The following ARHGAP6 variants were observed in gnomAD, a reference collection of about 807,000 sequenced individuals.
The protein encoded by ARHGAP6 is Rho GTPase activating protein 6.
ARHGAP6 carries 16 observed loss-of-function variants against 55.7 expected under a neutral mutation model. That is an observed-to-expected ratio of 0.29 (90% CI 0.19 to 0.44). The LOEUF is 0.44. Ranked by LOEUF, ARHGAP6 falls within the 20% of genes least tolerant of loss-of-function variation. The probability of loss-of-function intolerance (pLI) is 1.00; values close to 1 mark genes in which losing one functional copy is unlikely to be tolerated. For synonymous variants in ARHGAP6, 382 were observed against 360.9 expected, an observed-to-expected ratio of 1.06 and a Z score of -0.66; for missense variants, 698 against 808.9, an observed-to-expected ratio of 0.86 and a Z score of 1.66.
At chrX:11,321,166 T>C (rs1386949237) in intron 1 of ARHGAP6, among the ~76,000 whole-genome samples, 2 of 112,304 alleles carry the variant, frequency 1.8e-5, no homozygotes, top group Non-Finnish European at 3.8e-5. Context: ...AAGCGGTGTT[T>C]TTAATGTTAA....
chrX:11,445,952 A>G (rs901805725), intron 1 of ARHGAP6, among the ~76,000 whole-genome samples: 1 of 111,436 alleles, frequency 9.0e-6, no homozygotes, highest in African/African-American at 3.3e-5. Flanking sequence ...GTTCAGAAGA[A>G]AGACCCAGTC....
intron 1 of ARHGAP6, among the ~76,000 whole-genome samples, chrX:11,551,877 A>G (rs141883128): frequency 0.093 from 10,394 of 111,464 alleles, 518 homozygotes; most frequent in East Asian, 0.18. Flanking sequence ...GAAGGAACCA[A>G]CCTTGCTGAC....
chrX:11,159,204 T>A (rs1228083775), intron 9 of ARHGAP6, among the ~76,000 whole-genome samples: 9 of 111,258 alleles, frequency 8.1e-5, no homozygotes, highest in Non-Finnish European at 1.7e-4. Context: ...CCAGGTGTCA[T>A]GGAGTCTTAT....
chrX:11,437,970 G>A (rs1401618343), intron 1 of ARHGAP6, among the ~76,000 whole-genome samples: 1 of 112,659 alleles, frequency 8.9e-6, no homozygotes, highest in Admixed American at 9.4e-5. Flanking sequence ...TAAAGGCTAT[G>A]TATGACCTTG....
intron 1 of ARHGAP6, among the ~76,000 whole-genome samples, chrX:11,419,927 G>A (rs1440808910): frequency 1.8e-5 from 2 of 112,325 alleles, no homozygotes; most frequent in Non-Finnish European, 3.8e-5. Flanking sequence ...TAATTTAGCT[G>A]ACATCCCAAA....
chrX:11,383,205 G>C (rs2049283340), intron 1 of ARHGAP6, among the ~76,000 whole-genome samples: 1 of 111,334 alleles, frequency 9.0e-6, no homozygotes, highest in African/African-American at 3.3e-5. Context: ...CCAGGAGTGG[G>C]AGTTCCACAA....
intron 1 of ARHGAP6, among the ~76,000 whole-genome samples, chrX:11,319,415 C>T (rs1033044748): frequency 9.0e-6 from 1 of 111,641 alleles, no homozygotes; most frequent in African/African-American, 3.3e-5. Flanking sequence ...TTCAGTAGGT[C>T]TTCAACAGGG....
chrX:11,517,333 C>A (rs2050852389), intron 1 of ARHGAP6, among the ~76,000 whole-genome samples: 1 of 111,653 alleles, frequency 9.0e-6, no homozygotes, highest in African/African-American at 3.3e-5. Context: ...CATCAGGGGG[C>A]AGCGTATTAC....
intron 2 of ARHGAP6, among the ~76,000 whole-genome samples, chrX:11,235,459 C>G (rs1412117859): frequency 9.0e-6 from 1 of 110,995 alleles, no homozygotes; most frequent in Non-Finnish European, 1.9e-5. Context: ...CTCTGACATG[C>G]CCTGGAGACA....
At chrX:11,308,585 C>A (rs1398196412) in intron 1 of ARHGAP6, among the ~76,000 whole-genome samples, 2 of 111,014 alleles carry the variant, frequency 1.8e-5, no homozygotes, top group African/African-American at 6.6e-5. Context: ...TGCCCTTGTC[C>A]CCAGTCGTCA....
At chrX:11,262,876 A>G (rs2047579172) in intron 1 of ARHGAP6, among the ~76,000 whole-genome samples, 1 of 111,560 alleles carries the variant, frequency 9.0e-6, no homozygotes, top group Non-Finnish European at 1.9e-5. Flanking sequence ...AAGATGGAGA[A>G]AAGAACAAGA....
intron 1 of ARHGAP6, among the ~76,000 whole-genome samples, chrX:11,448,391 A>C (rs1215005598): frequency 2.7e-5 from 3 of 111,849 alleles, no homozygotes; most frequent in Admixed American, 9.5e-5. Flanking sequence ...GGGCAAAATG[A>C]GTGCACAAAT....
At chrX:11,438,014 G>A (rs2050003477) in intron 1 of ARHGAP6, among the ~76,000 whole-genome samples, 2 of 112,628 alleles carry the variant, frequency 1.8e-5, no homozygotes, top group Admixed American at 9.4e-5. Context: ...CAGGGTAGAA[G>A]CTTGCAACCT....
At position 11,288,207 on chromosome X, in the gene ARHGAP6, T is replaced by C. The variant is rs113404289; in HGVS notation, c.589-33500A>G. ...ACTGTGAGTAGGAGTCTTTGTGTGT[T>C]TTAATCACTGATGTAAAACATAAAC... On this transcript the variant is annotated intron_variant, in intron 1 of 12. Coordinates refer to ENST00000337414, the MANE Select transcript of ARHGAP6 (RefSeq NM_013427.3). Among the ~76,000 whole-genome samples, 39 of 112,520 alleles carry C rather than the reference T, an allele frequency of 3.5e-4. 1 individual carries two copies. The highest frequency in any genetic ancestry group is 1.2e-3 in the African/African-American group (37 of 30,953).
intron 1 of ARHGAP6, among the ~76,000 whole-genome samples, chrX:11,600,457 T>G (rs1264031180): frequency 8.9e-6 from 1 of 112,396 alleles, no homozygotes; most frequent in African/African-American, 3.2e-5. Context: ...CAGATATTAT[T>G]GATGCCTCAC....
chrX:11,143,043 CAT>C (rs925740688), intron 11 of ARHGAP6: 1 of 112,044 alleles, frequency 8.9e-6, no homozygotes, highest in African/African-American at 3.3e-5. Flanking sequence ...TGCATTCACT[CAT>C]AAATCCCCTT....
At chrX:11,323,881 AAAAAAAG>A (rs1175086609) in intron 1 of ARHGAP6, among the ~76,000 whole-genome samples, 3 of 108,266 alleles carry the variant, frequency 2.8e-5, no homozygotes, top group Non-Finnish European at 5.7e-5. Flanking sequence ...AAAAAAAAAA[AAAAAAAG>A]AAAAAAGAAG....
chrX:11,549,949 G>A (rs1209098298), intron 1 of ARHGAP6, among the ~76,000 whole-genome samples: 4 of 111,884 alleles, frequency 3.6e-5, no homozygotes, highest in African/African-American at 1.3e-4. Flanking sequence ...CCCCTGTTAG[G>A]GCATGCAAAT....
chrX:11,193,539 G>T (rs1276025304), intron 3 of ARHGAP6, among the ~76,000 whole-genome samples: 1 of 112,583 alleles, frequency 8.9e-6, no homozygotes, highest in East Asian at 2.8e-4. Context: ...CTTAAGCCTA[G>T]GTTAGTTTGT....
Sources: gnomAD v4.1 joint callset for allele counts (sites outside exome capture counted in the v4.1 genomes callset) on GRCh38, gnomAD v4.1.1 for gene constraint, MANE v1.5 for transcripts, NCBI Gene and HGNC (gene_info 2026-07-23, HGNC 2026-07-21) for gene names.